CRB1: variants seen among roughly 807,000 people sequenced by gnomAD.
The protein encoded by CRB1 is crumbs cell polarity complex component 1.
A neutral mutation model predicts 120.0 loss-of-function variants in CRB1; 83 were observed. That is an observed-to-expected ratio of 0.69 (90% CI 0.58 to 0.83). The LOEUF (loss-of-function observed/expected upper bound fraction) is 0.83, where lower values mean the gene tolerates loss of function less well. CRB1 is among the 40% of genes least tolerant of loss of function. The pLI is 0.00. For missense variants in CRB1, 1,699 were observed against 1,687.6 expected (o/e 1.01, Z -0.12); for synonymous variants, 625 against 612.5 (o/e 1.02, Z -0.30).
At position 197,421,137 on chromosome 1, in the gene CRB1, G is replaced by C. The variant is rs756255954; in HGVS notation, c.1309G>C (p.Asp437His). Residue 437 changes from aspartate to histidine, a missense_variant, in exon 6 of 12, where the codon GAC (aspartate) becomes CAC (histidine). Physicochemically the swap from Asp to His is moderately conservative, Grantham distance 81. Coordinates refer to ENST00000367400, the MANE Select transcript of CRB1 (RefSeq NM_201253.3). ...NLSRTFYGGR[D>H]CSDILLGCTH... is the part of the protein sequence containing the mutation. Reference sequence around the variant, plus strand: ...TTCTAGAACTTTTTATGGAGGAAGGGACTGTTCTGATATTCTCCTGGGCTG... The same window carrying C: ...TTCTAGAACTTTTTATGGAGGAAGGCACTGTTCTGATATTCTCCTGGGCTG... 1 of 1,614,122 alleles carries C rather than the reference G, an allele frequency of 6.2e-7. No homozygotes were observed. The highest frequency in any genetic ancestry group is 1.3e-5 in the African/African-American group (1 of 75,030).
At chr1:197,311,600 A>G (rs1329515825) in intron 1 of CRB1, among the ~76,000 whole-genome samples, 1 of 152,072 alleles carries the variant, frequency 6.6e-6, no homozygotes, top group Non-Finnish European at 1.5e-5. Context: ...AATATTGTAC[A>G]CATTTAAGAT....
chr1:197,387,763 T>C (rs1440836586), intron 5 of CRB1, among the ~76,000 whole-genome samples: 1 of 151,876 alleles, frequency 6.6e-6, no homozygotes, highest in Non-Finnish European at 1.5e-5. Context: ...CTGTTTTTAC[T>C]ACAAAAAGAA....
intron 1 of CRB1, 61 bp downstream of exon 1, chr1:197,268,543 C>T: frequency 5.0e-6 from 6 of 1,189,604 alleles, no homozygotes; most frequent in Non-Finnish European, 7.6e-6. Flanking sequence ...ATATTTCTTA[C>T]AAATAATGGA....
chr1:197,355,727 G>A lies in CRB1; in HGVS notation c.989-1104G>A, dbSNP rs893743028. Among the ~76,000 whole-genome samples, 14 of 152,094 alleles carry A rather than the reference G, an allele frequency of 9.2e-5. No individual in the cohort carries two copies. The South Asian group carries it at 1.2e-3, about 14-fold the overall frequency. ...AAGCCCACGCCCACCCAGAACTCACGCAGCCCCGCAAGCGCCCGTGCAGCC... is the reference window on the plus strand; with the variant it reads ...AAGCCCACGCCCACCCAGAACTCACACAGCCCCGCAAGCGCCCGTGCAGCC... On this transcript the variant is annotated intron_variant, in intron 4 of 11. Transcript: ENST00000367400.
At position 197,300,574 on chromosome 1, in the gene CRB1, G is replaced by A. The variant is rs145067723; in HGVS notation, c.71-27848G>A. On this transcript the variant is annotated intron_variant, in intron 1 of 11. Transcript: ENST00000367400. ...AAGCTAGCAGAGGTTGGTTCATAAG[G>A]TTTAAGGGAAGAAGCCATCTCCATA... Among the ~76,000 whole-genome samples the A allele has an allele frequency of 5.9e-3, 887 of 150,628 alleles. 21 individuals carry two copies. The highest frequency in any genetic ancestry group is 0.021 in the African/African-American group (860 of 40,034).
Position 197,421,576 on chromosome 1 carries a change from T to C in CRB1, c.1748T>C (p.Ile583Thr), listed in dbSNP as rs1006465148. The C allele has an allele frequency of 6.2e-7, 1 of 1,614,090 alleles. No homozygotes were observed. Among genetic ancestry groups the C allele is most frequent in the African/African-American group, 1.3e-5 (1 of 74,920 alleles). Residue 583 changes from isoleucine to threonine, a missense_variant, in exon 6 of 12, where the codon ATC (isoleucine) becomes ACC (threonine). Transcript: ENST00000367400. ...GCAGAGGCTGTGACCCTTACCTTAATCGACGACTCCTGTAAGGAGAAATGC... is the reference window on the plus strand; with the variant it reads ...GCAGAGGCTGTGACCCTTACCTTAACCGACGACTCCTGTAAGGAGAAATGC... ...IFAEAVTLTL[I>T]DDSCKEKCIA...
At position 197,332,170 on chromosome 1, in the gene CRB1, CA is replaced by C. The variant is rs200681901; in HGVS notation, c.652+3175del. ...AACAAAAAACAAAAAACAAAACAAA[CA>C]AAAAAAACAGCTAGAAAGAGTATAT... On this transcript the variant is annotated intron_variant, in intron 2 of 11. Transcript: ENST00000367400. Among the ~76,000 whole-genome samples the C allele has an allele frequency of 9.9e-5, 15 of 151,532 alleles. No homozygotes were observed. In the South Asian group the frequency reaches 2.3e-3, roughly 23 times the overall value.
At chr1:197,378,124 C>G (rs1475871630) in intron 5 of CRB1, among the ~76,000 whole-genome samples, 1 of 152,144 alleles carries the variant, frequency 6.6e-6, no homozygotes, top group Non-Finnish European at 1.5e-5. Flanking sequence ...TTCCTGACAT[C>G]TCCCATAGTG....
At chr1:197,270,570 C>T (rs1258998247) in intron 1 of CRB1, among the ~76,000 whole-genome samples, 2 of 152,180 alleles carry the variant, frequency 1.3e-5, no homozygotes, top group Non-Finnish European at 2.9e-5. Context: ...AAACATATCT[C>T]TCTCTTCAAT....
chr1:197,456,384 G>T (rs1486397104), intron 11 of CRB1, among the ~76,000 whole-genome samples: 1 of 152,058 alleles, frequency 6.6e-6, no homozygotes, highest in African/African-American at 2.4e-5. Context: ...TTCCAGCTTT[G>T]AGAATTTTGT....
At chr1:197,282,422 C>G (rs1655574574) in intron 1 of CRB1, among the ~76,000 whole-genome samples, 2 of 151,656 alleles carry the variant, frequency 1.3e-5, no homozygotes, top group African/African-American at 4.8e-5. Context: ...AGTAACTCTT[C>G]TAGGAGAAAT....
At chr1:197,453,538 A>ATG (rs1666084298) in intron 11 of CRB1, among the ~76,000 whole-genome samples, 4 of 57,622 alleles carry the variant, frequency 6.9e-5, no homozygotes, top group Non-Finnish European at 1.3e-4. Flanking sequence ...ATATATATAT[A>ATG]TAGAGAGAGA....
chr1:197,294,378 A>G (rs1039014712), intron 1 of CRB1, among the ~76,000 whole-genome samples: 1 of 152,140 alleles, frequency 6.6e-6, no homozygotes, highest in African/African-American at 2.4e-5. Context: ...ACCATCTCAC[A>G]CCAGTTAGAA....
intron 11 of CRB1, among the ~76,000 whole-genome samples, chr1:197,453,852 T>A (rs1228845652): frequency 2.8e-5 from 4 of 141,950 alleles, no homozygotes; most frequent in Non-Finnish European, 4.5e-5. Context: ...AATATTATTA[T>A]TAATATATAT....
At chr1:197,324,213 T>C (rs950495942) in intron 1 of CRB1, among the ~76,000 whole-genome samples, 7 of 152,170 alleles carry the variant, frequency 4.6e-5, no homozygotes, top group Admixed American at 6.5e-5. Flanking sequence ...TTAGGTATGA[T>C]TCTCAGAGAA....
intron 5 of CRB1, among the ~76,000 whole-genome samples, chr1:197,397,764 C>G (rs566078971): frequency 2.0e-5 from 3 of 152,186 alleles, no homozygotes; most frequent in African/African-American, 4.8e-5. Flanking sequence ...GGGTAAAATT[C>G]TAGGGACAGT....
At chr1:197,283,796 C>T (rs1571763409) in intron 1 of CRB1, among the ~76,000 whole-genome samples, 1 of 151,060 alleles carries the variant, frequency 6.6e-6, no homozygotes, top group African/African-American at 2.4e-5. Flanking sequence ...AAACATAAAA[C>T]AGATTATTAT....
chr1:197,406,569 C>A, intron 5 of CRB1, among the ~76,000 whole-genome samples: 1 of 150,848 alleles, frequency 6.6e-6, no homozygotes, highest in Non-Finnish European at 1.5e-5. Context: ...CAAGAATGAT[C>A]AATAAAAAAA....
chr1:197,346,007 G>A (rs934388491), intron 3 of CRB1, among the ~76,000 whole-genome samples: 3 of 152,070 alleles, frequency 2.0e-5, no homozygotes, highest in Non-Finnish European at 4.4e-5. Flanking sequence ...GCCTCCTAGA[G>A]GAAAAGGAGG....
Sources: allele counts gnomAD v4.1 joint callset (sites outside exome capture counted in the v4.1 genomes callset), GRCh38; gene constraint gnomAD v4.1.1; transcripts MANE v1.5; gene names NCBI Gene and HGNC (gene_info 2026-07-23, HGNC 2026-07-21).